Variants in SNX29 observed in about 807,000 individuals in gnomAD.
The protein encoded by SNX29 is sorting nexin 29, also known as sorting nexin-29.
SNX29 carries 78 observed loss-of-function variants against 102.1 expected under a neutral mutation model. The observed-to-expected ratio is 0.76, with a 90% CI of 0.64 to 0.92. SNX29 has a LOEUF of 0.92. SNX29 is among the 40% of genes least tolerant of loss of function. SNX29 has a pLI of 0.00. For missense variants in SNX29, 1,280 were observed against 1,061.7 expected (o/e 1.21, Z -2.86); for synonymous variants, 580 against 414.5 (o/e 1.40, Z -4.85).
chr16:12,186,082 A>C (rs1424697094), intron 13 of SNX29, among the ~76,000 whole-genome samples: 1 of 152,154 alleles, frequency 6.6e-6, no homozygotes, highest in African/African-American at 2.4e-5. Context: ...CTGTTTTTAT[A>C]TTGACCAAAC....
chr16:12,242,372 T>A (rs539607229), intron 14 of SNX29, among the ~76,000 whole-genome samples: 2,116 of 123,438 alleles, frequency 0.017, 44 homozygotes, highest in East Asian at 0.055. Context: ...TATATATTTT[T>A]TTTTTTTTTT....
chr16:12,516,480 A>AG (rs1467114760), intron 19 of SNX29, among the ~76,000 whole-genome samples: 307 of 84,056 alleles, frequency 3.7e-3, no homozygotes, highest in South Asian at 7.5e-3. Context: ...ATCCCGTCTC[A>AG]GAAAAAAAAA....
intron 4 of SNX29, among the ~76,000 whole-genome samples, chr16:12,035,645 C>T (rs1373210903): frequency 6.6e-6 from 1 of 152,156 alleles, no homozygotes; most frequent in African/African-American, 2.4e-5. Flanking sequence ...ACTTGGTTTA[C>T]CTTTGTTCCT....
chr16:12,494,676 CTCTTCTGCCTTCTGAGGGAAAGTGAAGT>C (rs2088723800), intron 19 of SNX29, among the ~76,000 whole-genome samples: 1 of 152,194 alleles, frequency 6.6e-6, no homozygotes, highest in South Asian at 2.1e-4. Context: ...AATTTTTCAG[CTCTTCTGCCTTCTGAGGGAAAGTGAAGT>C]TCTTTTTTGT....
At chr16:12,513,172 C>G (rs989634629) in intron 19 of SNX29, among the ~76,000 whole-genome samples, 3 of 151,222 alleles carry the variant, frequency 2.0e-5, no homozygotes, top group African/African-American at 7.3e-5. Flanking sequence ...CCTCTCCCCT[C>G]CCTCCCATAC....
intron 8 of SNX29, among the ~76,000 whole-genome samples, chr16:12,058,247 A>C (rs977061665): frequency 1.3e-5 from 2 of 152,208 alleles, no homozygotes; most frequent in African/African-American, 4.8e-5. Context: ...AGTCTGACAC[A>C]GTAATGTTTT....
intron 16 of SNX29, among the ~76,000 whole-genome samples, chr16:12,364,416 C>CTTCTT (rs1555520124): frequency 1.0e-5 from 1 of 98,778 alleles, no homozygotes; most frequent in African/African-American, 3.3e-5. Context: ...CTCTCTTCTT[C>CTTCTT]TTTTTTTTTT....
At chr16:12,561,538 C>A (rs1036787190) in intron 20 of SNX29, among the ~76,000 whole-genome samples, 1 of 152,172 alleles carries the variant, frequency 6.6e-6, no homozygotes, top group South Asian at 2.1e-4. Context: ...TCTCTCCTCG[C>A]AGCCATTTTC....
intron 14 of SNX29, among the ~76,000 whole-genome samples, chr16:12,235,486 C>G (rs2077898957): frequency 6.6e-6 from 1 of 152,080 alleles, no homozygotes; most frequent in African/African-American, 2.4e-5. Context: ...TTTTTGTGCA[C>G]TACTGCTTGA....
intron 19 of SNX29, among the ~76,000 whole-genome samples, chr16:12,522,932 A>G (rs967805702): frequency 4.6e-5 from 7 of 152,130 alleles, no homozygotes; most frequent in Non-Finnish European, 1.5e-5. Flanking sequence ...TGCTGCAGCC[A>G]CCCATGTAGC....
chr16:12,133,602 T>C (rs1245674676), intron 13 of SNX29, among the ~76,000 whole-genome samples: 1 of 152,206 alleles, frequency 6.6e-6, no homozygotes, highest in Non-Finnish European at 1.5e-5. Context: ...GTTTCCTTAG[T>C]TTTAAAATGG....
chr16:12,378,398 C>T (rs1018201535), intron 16 of SNX29, among the ~76,000 whole-genome samples: 4 of 152,118 alleles, frequency 2.6e-5, no homozygotes, highest in African/African-American at 9.7e-5. Context: ...GCCTGTAATC[C>T]CAGCGCTTTA....
intron 1 of SNX29, among the ~76,000 whole-genome samples, chr16:11,996,894 C>G (rs746756273): frequency 1.3e-5 from 2 of 152,092 alleles, no homozygotes; most frequent in East Asian, 3.9e-4. Flanking sequence ...TATTCTTGAT[C>G]GAAACCTCTT....
Position 12,477,788 on chromosome 16 carries a change from C to G in SNX29, c.2107C>G (p.His703Asp). Reference sequence around the variant, plus strand: ...GTATACAGAGTTCAGGAGTTTGCACCACAAGTTACAAAACAAGTACCCTCA... The same window carrying G: ...GTATACAGAGTTCAGGAGTTTGCACGACAAGTTACAAAACAAGTACCCTCA... ...RRYTEFRSLH[H>D]KLQNKYPQVR... The change falls in exon 19 of 21, where the codon CAC becomes GAC. Residue 703 changes from histidine to aspartate, a missense_variant. Transcript: ENST00000566228. The G allele has an allele frequency of 6.2e-7, 1 of 1,613,186 alleles. No homozygotes were observed. The highest frequency in any genetic ancestry group is 1.1e-5 in the South Asian group (1 of 90,974).
chr16:12,250,021 C>T (rs1008652053), intron 14 of SNX29, among the ~76,000 whole-genome samples: 3 of 152,160 alleles, frequency 2.0e-5, no homozygotes, highest in East Asian at 3.9e-4. Flanking sequence ...TGGGCTCTCC[C>T]GGGTTGGGGA....
At chr16:12,087,286 T>G (rs1167690725) in intron 11 of SNX29, 1 of 158,858 alleles carries the variant, frequency 6.3e-6, no homozygotes, top group Non-Finnish European at 1.4e-5. Context: ...TAATCCCAGC[T>G]ACTCAGGAGG....
At chr16:12,019,719 C>T (rs572703405) in intron 3 of SNX29, among the ~76,000 whole-genome samples, 116 of 151,554 alleles carry the variant, frequency 7.7e-4, no homozygotes, top group Non-Finnish European at 1.4e-3. Flanking sequence ...CACTGCAAAC[C>T]TCTGCCTCCC....
intron 14 of SNX29, among the ~76,000 whole-genome samples, chr16:12,271,722 A>C (rs1487501989): frequency 6.6e-6 from 1 of 151,776 alleles, no homozygotes; most frequent in African/African-American, 2.4e-5. Flanking sequence ...TCCTGGGTTC[A>C]AGTGATTCTC....
chr16:12,483,684 C>T (rs1213301103), intron 19 of SNX29, among the ~76,000 whole-genome samples: 1 of 152,182 alleles, frequency 6.6e-6, no homozygotes, highest in Admixed American at 6.6e-5. Context: ...ATCTTGGTGA[C>T]TTAAGCCAAC....
Sources: gnomAD v4.1 joint callset for allele counts (sites outside exome capture counted in the v4.1 genomes callset) on GRCh38, gnomAD v4.1.1 for gene constraint, MANE v1.5 for transcripts, NCBI Gene and HGNC (gene_info 2026-07-23, HGNC 2026-07-21) for gene names.